Variants in NOTCH1 observed in about 807,000 individuals in gnomAD.
NOTCH1 encodes notch receptor 1, also known as neurogenic locus notch homolog protein 1.
A neutral mutation model predicts 254.8 loss-of-function variants in NOTCH1; 37 were observed. That is an observed-to-expected ratio of 0.15 (90% CI 0.11 to 0.19). NOTCH1 has a LOEUF of 0.19. Among genes scored for constraint, NOTCH1 ranks in the 10% least tolerant of loss-of-function variants. The pLI, the probability that NOTCH1 is intolerant of heterozygous loss-of-function variation, is 1.00. For missense variants in NOTCH1, 2,972 were observed against 3,708.6 expected, an observed-to-expected ratio of 0.80 and a Z score of 5.16; for synonymous variants, 1,731 against 1,618.1, an observed-to-expected ratio of 1.07 and a Z score of -1.68.
rs200324222 is a variant in NOTCH1, at chr9:136,518,667, G to A, written c.1023C>T (p.Ser341=). Residue 341 remains serine (S), a synonymous_variant, in exon 6 of 34, where the codon AGC becomes AGT. Coordinates refer to ENST00000651671, the MANE Select transcript of NOTCH1 (RefSeq NM_017617.5). Reference sequence around the variant, plus strand: ...AGGTGGCGCCGTGGAAGCAGGCGGCGCTGGCACAGTCATCAATGTTCTCGC... The same window carrying A: ...AGGTGGCGCCGTGGAAGCAGGCGGCACTGGCACAGTCATCAATGTTCTCGC... ...DCSENIDDCA[S]AACFHGATCH... is the part of the protein sequence containing the mutation. 3.5e-5 allele frequency: 56 copies of A among 1,612,322 alleles called. No homozygotes were observed. Among genetic ancestry groups the A allele is most frequent in the African/African-American group, 5.3e-5 (4 of 74,926 alleles).
Position 136,515,962 on chromosome 9 carries a change from G to C in NOTCH1, c.1669+19C>G, listed in dbSNP as rs764085225. The C allele has an allele frequency of 6.3e-7, 1 of 1,589,592 alleles. No individual in the cohort carries two copies. The highest frequency in any genetic ancestry group is 1.1e-5 in the South Asian group (1 of 90,494). On this transcript the variant is annotated intron_variant, in intron 10 of 33. Coordinates refer to ENST00000651671, the MANE Select transcript of NOTCH1 (RefSeq NM_017617.5). ...GTCCCGTCCCCAGTCCCTCCCCGCT[G>C]GTGGGCGCCAGCCCGCACCTTCCGT...
rs369947231 is a variant in NOTCH1 at position 136,523,781 on chromosome 9, G to A, written c.339C>T (p.Asn113=). 1.9e-5 allele frequency: 31 copies of A among 1,611,840 alleles called. No homozygotes were observed. Among genetic ancestry groups the A allele is most frequent in the African/African-American group, 9.3e-5 (7 of 74,924 alleles). ...GCGTGAGCAGGTCGCAGGTGCCCCC[G>A]TTGCGGCAGGGGTTGGTGAGGCAGG... ...DNACLTNPCR[N]GGTCDLLTLT... is the part of the protein sequence containing the mutation. Residue 113 remains asparagine, a synonymous_variant, in exon 3 of 34, where the codon AAC becomes AAT. Transcript: ENST00000651671.
chr9:136,504,905 G>A lies in NOTCH1; in HGVS notation c.4786C>T (p.Leu1596Phe), dbSNP rs1284534643. ...ACGTTGGTGTGCAGCACGCGGCTGA[G>A]CTCCCGCAGGAAGTGGAAGGAGCTG... The part of the protein sequence containing the change: ...RNSSFHFLRE[L>F]SRVLHTNVVF... Residue 1596 changes from leucine (L) to phenylalanine (F), a missense_variant, in exon 26 of 34, where the codon CTC becomes TTC. Leu to Phe is a conservative substitution (Grantham distance 22). Transcript: ENST00000651671. 2 of 1,586,178 alleles carry A rather than the reference G, an allele frequency of 1.3e-6. No individual in the cohort carries two copies. Among genetic ancestry groups the A allele is most frequent in the African/African-American group, 2.7e-5 (2 of 74,612 alleles).
rs1393153544 is a variant in NOTCH1, at chr9:136,504,516, C to T, written c.5018+157G>A. ...TGCCTCTACTCCTTGCCTGCGCAGG[C>T]CCTGAAGTCCCAGGTCCTCTCGGAA... On this transcript the variant is annotated intron_variant, in intron 26 of 33. Coordinates refer to ENST00000651671, the MANE Select transcript of NOTCH1 (RefSeq NM_017617.5). 2.6e-5 allele frequency among the ~76,000 whole-genome samples: 4 copies of T among 152,368 alleles called. No individual in the cohort carries two copies. In the East Asian group the frequency reaches 5.8e-4, roughly 22 times the overall value.
At chr9:136,541,319 G>C (rs967298486) in intron 2 of NOTCH1, among the ~76,000 whole-genome samples, 4 of 152,196 alleles carry the variant, frequency 2.6e-5, no homozygotes, top group Admixed American at 6.5e-5. Flanking sequence ...TTCCGGTGAA[G>C]GTTCCTTCTC....
chr9:136,497,390 T>G lies in NOTCH1; in HGVS notation c.6349A>C (p.Asn2117His). Reference protein sequence around the residue: ...HDIVRLLDEYNLVRSPQLHGA... With the variant: ...HDIVRLLDEYHLVRSPQLHGA... ...TGCAGCTGCGGGCTGCGCACCAGGTTGTACTCGTCCAGCAGCCTCACGATG... is the reference window on the plus strand; with the variant it reads ...TGCAGCTGCGGGCTGCGCACCAGGTGGTACTCGTCCAGCAGCCTCACGATG... The change falls in exon 34 of 34, where the codon AAC becomes CAC. Residue 2117 changes from asparagine to histidine, a missense_variant. Asn to His is a moderately conservative substitution (Grantham distance 68, BLOSUM62 1). Transcript: ENST00000651671. 3 of 1,610,132 alleles carry G rather than the reference T, an allele frequency of 1.9e-6. No individual in the cohort carries two copies. The highest frequency in any genetic ancestry group is 4.5e-5 in the East Asian group (2 of 44,850).
intron 15 of NOTCH1, among the ~76,000 whole-genome samples, chr9:136,511,788 C>T (rs1843185513): frequency 6.6e-6 from 1 of 152,232 alleles, no homozygotes; most frequent in South Asian, 2.1e-4. Context: ...ATGGAGGGGA[C>T]AGGCCCAGGC....
chr9:136,528,194 G>A (rs1003098202), intron 2 of NOTCH1, among the ~76,000 whole-genome samples: 11 of 149,016 alleles, frequency 7.4e-5, no homozygotes, highest in African/African-American at 2.7e-4. Flanking sequence ...GGTCATGCAG[G>A]GCCAGGGATG....
intron 2 of NOTCH1, among the ~76,000 whole-genome samples, chr9:136,527,820 G>A (rs892052723): frequency 7.9e-5 from 12 of 152,130 alleles, no homozygotes; most frequent in African/African-American, 2.7e-4. Context: ...AGCGGCGGGC[G>A]GGGACTCCAG....
At chr9:136,530,484 A>G (rs2133388200) in intron 2 of NOTCH1, among the ~76,000 whole-genome samples, 1 of 152,228 alleles carries the variant, frequency 6.6e-6, no homozygotes, top group South Asian at 2.1e-4. Context: ...GAGATGGCGG[A>G]GCTGGGGTGG....
chr9:136,512,690 T>A (rs1843199999), intron 15 of NOTCH1, among the ~76,000 whole-genome samples: 1 of 152,226 alleles, frequency 6.6e-6, no homozygotes, highest in Admixed American at 6.5e-5. Context: ...ACCTGCATCT[T>A]ACCTGTGTCT....
chr9:136,536,032 AG>A (rs998437697), intron 2 of NOTCH1, among the ~76,000 whole-genome samples: 5 of 151,368 alleles, frequency 3.3e-5, no homozygotes, highest in African/African-American at 1.2e-4. Flanking sequence ...CAACGGGTAC[AG>A]GGTAGGGGGG....
At position 136,505,818 on chromosome 9, in the gene NOTCH1, C is replaced by T. The variant is rs769493139; in HGVS notation, c.4078G>A (p.Gly1360Ser). The T allele has an allele frequency of 3.3e-5, 52 of 1,592,040 alleles. No individual in the cohort carries two copies. The highest frequency in any genetic ancestry group is 6.6e-5 in the South Asian group (6 of 90,302). ...RTCGSLRCLN[G>S]GTCISGPRSP... ...CGCGGGCCGGAGATGCATGTGCCGCCGTTGAGGCAGCGCAGGCTGCCGCAG... is the reference window on the plus strand; with the variant it reads ...CGCGGGCCGGAGATGCATGTGCCGCTGTTGAGGCAGCGCAGGCTGCCGCAG... Residue 1360 changes from glycine (G) to serine (S), a missense_variant, in exon 25 of 34, where the codon GGC becomes AGC. This residue lies in a region of NOTCH1 where 1,343 missense variants were observed against 1,557.0 expected (regional missense o/e 0.86). Transcript: ENST00000651671.
At position 136,496,042 on chromosome 9, in the gene NOTCH1, G is replaced by A. The variant is rs1483369726; in HGVS notation, c.*29C>T. On this transcript the variant is annotated 3_prime_UTR_variant, in exon 34 of 34. Transcript: ENST00000651671. ...CACAGACGCCCGAAGGCTTGGGAAA[G>A]GAAGCCGGGGTCTCGTGGGGCGCGC... 11 of 1,583,818 alleles carry A rather than the reference G, an allele frequency of 6.9e-6. No homozygotes were observed. In the South Asian group the frequency reaches 1.0e-4, roughly 15 times the overall value.
In NOTCH1 at chr9:136,506,358, T is replaced by C. The variant is rs1483104923; in HGVS notation, c.4014+169A>G. On this transcript the variant is annotated intron_variant, in intron 24 of 33. Transcript: ENST00000651671. This position sits in a 1 kb window ranked among gnomAD's most constrained non-coding sequence, Gnocchi z 4.5. ...GCTCCATTTTTCTATAAATCTAAAA[T>C]GTCTCTAAAATCATTTATTGAAACT... is the stretch of plus-strand genomic sequence containing the variant. Among the ~76,000 whole-genome samples the C allele has an allele frequency of 1.3e-5, 2 of 150,490 alleles. No individual in the cohort carries two copies. The highest frequency in any genetic ancestry group is 6.6e-5 in the Admixed American group (1 of 15,166).
chr9:136,541,945 G>A (rs552441702), intron 2 of NOTCH1, among the ~76,000 whole-genome samples: 2 of 152,350 alleles, frequency 1.3e-5, no homozygotes, highest in East Asian at 1.9e-4. Flanking sequence ...CGCCAAGAAG[G>A]AGGGGGCGCC....
intron 2 of NOTCH1, among the ~76,000 whole-genome samples, chr9:136,539,891 G>A (rs1219297738): frequency 1.3e-5 from 2 of 152,066 alleles, no homozygotes; most frequent in South Asian, 4.1e-4. Flanking sequence ...GTCACTTCCC[G>A]CCTGAGCCTC....
chr9:136,520,219 C>G (rs11574880), intron 4 of NOTCH1, among the ~76,000 whole-genome samples: 91 of 152,304 alleles, frequency 6.0e-4, no homozygotes, highest in Non-Finnish European at 1.1e-3. Flanking sequence ...AAGGCGCGTT[C>G]GGCAACAGCC....
intron 24 of NOTCH1, 44 bp from the exon 25 acceptor site, chr9:136,505,925 C>A: frequency 6.7e-7 from 1 of 1,496,104 alleles, no homozygotes; most frequent in Non-Finnish European, 9.0e-7. Flanking sequence ...TGGGCCACCC[C>A]CCGCCCCCCC....
Sources: gnomAD v4.1 joint callset for allele counts (sites outside exome capture counted in the v4.1 genomes callset) on GRCh38, gnomAD v4.1.1 for gene constraint, gnomAD v4.1.1 regional missense constraint, Gnocchi (gnomAD v3.1) non-coding constraint, MANE v1.5 for transcripts, NCBI Gene and HGNC (gene_info 2026-07-23, HGNC 2026-07-21) for gene names.